Variants in TSHZ2 observed in about 807,000 individuals in gnomAD.
The protein encoded by TSHZ2 is teashirt zinc finger homeobox 2, also known as teashirt homolog 2.
A neutral mutation model predicts 74.4 loss-of-function variants in TSHZ2; 21 were observed. That is an observed-to-expected ratio of 0.28 (90% confidence interval 0.20 to 0.41). The LOEUF is 0.41. TSHZ2 is among the 10% of genes least tolerant of loss of function. The pLI is 1.00. For missense variants in TSHZ2, 1,244 were observed against 1,293.5 expected, an observed-to-expected ratio of 0.96 and a Z score of 0.59; for synonymous variants, 540 against 515.3, an observed-to-expected ratio of 1.05 and a Z score of -0.65.
Position 53,494,337 on chromosome 20 carries a change from C to A in TSHZ2, c.*7202C>A, listed in dbSNP as rs2741376. ...TCAGAAAAAGTGCTCCCTTTCCTGT[C>A]CTGTGGTGCCACCATCCTGTCCTCC... is the stretch of plus-strand genomic sequence containing the variant. On this transcript the variant is annotated 3_prime_UTR_variant, in exon 3 of 3. Transcript: ENST00000371497. The A allele has an allele frequency of 0.36, 53,933 of 151,668 alleles. 9,747 individuals carry two copies. Among genetic ancestry groups the A allele is most frequent in the Admixed American group, 0.37 (5,641 of 15,244 alleles). 9.4% of individuals were successfully genotyped at this position (151,668 alleles called of 1,614,324 possible). A position where few individuals can be genotyped will look rare whatever the true frequency, so the allele number is the denominator to read the frequency against.
intron 1 of TSHZ2, among the ~76,000 whole-genome samples, chr20:53,054,556 T>G (rs1984577460): frequency 6.6e-6 from 1 of 152,196 alleles, no homozygotes; most frequent in South Asian, 2.1e-4. Flanking sequence ...CATTGAAACA[T>G]CTGAAACCTC....
chr20:53,456,515 C>G (rs1433056264), intron 2 of TSHZ2, among the ~76,000 whole-genome samples: 1 of 120,496 alleles, frequency 8.3e-6, no homozygotes, highest in Non-Finnish European at 1.7e-5. Flanking sequence ...GTTGCCTGTT[C>G]ACTCTGATGG....
At chr20:53,451,975 G>C (rs574869180) in intron 2 of TSHZ2, among the ~76,000 whole-genome samples, 1 of 152,248 alleles carries the variant, frequency 6.6e-6, no homozygotes, top group Admixed American at 6.5e-5. Context: ...GATAGACTTA[G>C]TGTTACTCAA....
rs376067160 is a variant in TSHZ2 at position 53,330,033 on chromosome 20, A to T, written c.*8+73462A>T. On this transcript the variant is annotated intron_variant, in intron 2 of 2. Coordinates refer to ENST00000371497, the MANE Select transcript of TSHZ2 (RefSeq NM_173485.6). ...TTTGTTTACATGTTATCTATGGCTA[A>T]TTTCACGATACAATGGCAGAGTTAC... 1.1e-4 allele frequency among the ~76,000 whole-genome samples: 17 copies of T among 152,240 alleles called. No homozygotes were observed. In the East Asian group the frequency reaches 3.3e-3, roughly 29 times the overall value.
At chr20:53,045,794 A>C (rs147415643) in intron 1 of TSHZ2, among the ~76,000 whole-genome samples, 1 of 152,326 alleles carries the variant, frequency 6.6e-6, no homozygotes, top group African/African-American at 2.4e-5. Flanking sequence ...AAATCCATAT[A>C]AAGCACTTAA....
intron 1 of TSHZ2, among the ~76,000 whole-genome samples, chr20:52,977,440 AC>A (rs2038269768): frequency 1.5e-5 from 2 of 133,794 alleles, no homozygotes; most frequent in Non-Finnish European, 3.1e-5. Flanking sequence ...ACACACACAC[AC>A]ACACACACAC....
chr20:53,179,138 ATGT>A (rs1195215148), intron 1 of TSHZ2: 2 of 129,500 alleles, frequency 1.5e-5, no homozygotes, highest in African/African-American at 6.6e-5. Context: ...ATTGATACAA[ATGT>A]TGATTTTTTT....
intron 1 of TSHZ2, among the ~76,000 whole-genome samples, chr20:53,032,233 C>T (rs117672320): frequency 2.0e-5 from 3 of 152,286 alleles, no homozygotes; most frequent in East Asian, 3.9e-4. Flanking sequence ...AACGTTAGAG[C>T]GGATGACTTT....
chr20:53,094,186 C>A (rs1484022600), intron 1 of TSHZ2, among the ~76,000 whole-genome samples: 3 of 152,166 alleles, frequency 2.0e-5, no homozygotes, highest in Non-Finnish European at 4.4e-5. Flanking sequence ...GCCTGCAAAT[C>A]AGGAAATATT....
intron 1 of TSHZ2, among the ~76,000 whole-genome samples, chr20:53,063,468 T>G (rs1021873155): frequency 6.6e-6 from 1 of 152,152 alleles, no homozygotes; most frequent in African/African-American, 2.4e-5. Flanking sequence ...TTATGGACAA[T>G]TTAAAGATTT....
intron 1 of TSHZ2, 66 bp from the exon 2 acceptor site, chr20:53,253,433 G>T: frequency 6.6e-7 from 1 of 1,520,672 alleles, no homozygotes; most frequent in Non-Finnish European, 8.8e-7. Context: ...CTTAGTCTAT[G>T]TGAGGAAATT....
At chr20:53,108,454 T>C (rs1317111183) in intron 1 of TSHZ2, among the ~76,000 whole-genome samples, 1 of 152,218 alleles carries the variant, frequency 6.6e-6, no homozygotes, top group Non-Finnish European at 1.5e-5. Context: ...TTTTTACAAT[T>C]ATAGCTGGAA....
At chr20:53,339,539 A>G (rs1200668479) in intron 2 of TSHZ2, among the ~76,000 whole-genome samples, 1 of 152,230 alleles carries the variant, frequency 6.6e-6, no homozygotes, top group Non-Finnish European at 1.5e-5. Flanking sequence ...AGCCAGCTAC[A>G]TGATTTTCAG....
At chr20:52,982,111 G>A (rs188045248) in intron 1 of TSHZ2, among the ~76,000 whole-genome samples, 32 of 152,342 alleles carry the variant, frequency 2.1e-4, no homozygotes, top group African/African-American at 7.7e-4. Context: ...ATGGTCAGGG[G>A]AGACCTCTCA....
At chr20:53,132,426 T>C (rs555323797) in intron 1 of TSHZ2, among the ~76,000 whole-genome samples, 1 of 151,740 alleles carries the variant, frequency 6.6e-6, no homozygotes, top group South Asian at 2.1e-4. Context: ...TTCTCCTGCC[T>C]CACCCTCCTG....
intron 2 of TSHZ2, among the ~76,000 whole-genome samples, chr20:53,361,656 T>C (rs1981058106): frequency 6.6e-6 from 1 of 152,130 alleles, no homozygotes; most frequent in Non-Finnish European, 1.5e-5. Flanking sequence ...GAAATTATTT[T>C]GGGGGATCGG....
intron 2 of TSHZ2, among the ~76,000 whole-genome samples, chr20:53,362,076 C>T (rs1024423605): frequency 1.8e-4 from 27 of 152,110 alleles, no homozygotes; most frequent in African/African-American, 6.5e-4. Flanking sequence ...GTTTGCCAGG[C>T]TGGTCTCGAA....
At position 52,972,976 on chromosome 20, in the gene TSHZ2, C is replaced by CA. The variant is rs1170215253; in HGVS notation, c.-311dup. ...AAAAAAAAAACCGCAAAAACAAAAC[C>CA]AAAAAAATTCCAAAAGCAAAAACAA... On this transcript the variant is annotated 5_prime_UTR_variant, in exon 1 of 3. It introduces an in-frame stop codon into an upstream open reading frame of the 5' UTR. Coordinates refer to ENST00000371497, the MANE Select transcript of TSHZ2 (RefSeq NM_173485.6). The CA allele has an allele frequency of 2.0e-5, 7 of 356,546 alleles. No homozygotes were observed. The highest frequency in any genetic ancestry group is 6.5e-5 in the African/African-American group (3 of 46,504). 22.1% of individuals were successfully genotyped at this position (356,546 alleles called of 1,614,324 possible).
At chr20:53,051,495 A>ACACACACACACACAC (rs1555819556) in intron 1 of TSHZ2, among the ~76,000 whole-genome samples, 1 of 148,156 alleles carries the variant, frequency 6.7e-6, no homozygotes, top group Admixed American at 6.7e-5. Flanking sequence ...ACACACACAC[A>ACACACACACACACAC]ATTCAGGTGG....
Sources: gnomAD v4.1 joint callset for allele counts (sites outside exome capture counted in the v4.1 genomes callset) on GRCh38, gnomAD v4.1.1 for gene constraint, MANE v1.5 for transcripts, NCBI Gene and HGNC (gene_info 2026-07-23, HGNC 2026-07-21) for gene names.